PCDH15: variants seen among roughly 807,000 people sequenced by gnomAD.
PCDH15 encodes protocadherin-15.
In PCDH15, 129 loss-of-function variants were observed where a neutral mutation model predicts 178.5. The observed-to-expected ratio is 0.72, with a 90% confidence interval of 0.63 to 0.84. The LOEUF (loss-of-function observed/expected upper bound fraction) is 0.84. PCDH15 is among the 40% of genes least tolerant of loss of function. The pLI is 0.00. For synonymous variants in PCDH15, 800 were observed against 732.0 expected (o/e 1.09, Z -1.50); for missense variants, 2,230 against 2,099.9 (o/e 1.06, Z -1.21).
intron 11 of PCDH15, among the ~76,000 whole-genome samples, chr10:54,194,716 GTA>G (rs974924217): frequency 2.7e-5 from 4 of 147,404 alleles, no homozygotes; most frequent in Non-Finnish European, 5.9e-5. Context: ...GTATACCTGT[GTA>G]TATGTCTATC....
chr10:54,424,910 A>T (rs377408746), intron 3 of PCDH15, among the ~76,000 whole-genome samples: 1 of 151,064 alleles, frequency 6.6e-6, no homozygotes. Flanking sequence ...CCTAATGTAA[A>T]TGATGAGTTA....
chr10:54,298,500 C>T (rs1408560287), intron 8 of PCDH15, among the ~76,000 whole-genome samples: 1 of 152,164 alleles, frequency 6.6e-6, no homozygotes, highest in Non-Finnish European at 1.5e-5. Context: ...GGCTTGTTAC[C>T]AGTGTGGCTT....
chr10:55,574,355 C>T (rs1468401699), intron 2 of PCDH15, among the ~76,000 whole-genome samples: 1 of 151,998 alleles, frequency 6.6e-6, no homozygotes, highest in East Asian at 1.9e-4. Context: ...TGTTTCTGTA[C>T]CACAATTTCT....
chr10:54,793,233 G>A (rs1431502702), intron 1 of PCDH15, among the ~76,000 whole-genome samples: 2 of 151,874 alleles, frequency 1.3e-5, no homozygotes, highest in Non-Finnish European at 2.9e-5. Flanking sequence ...GGGATATTGA[G>A]TAGCTGAGCC....
At chr10:54,445,806 CTTTA>C (rs1411533956) in intron 3 of PCDH15, among the ~76,000 whole-genome samples, 3 of 151,576 alleles carry the variant, frequency 2.0e-5, no homozygotes, top group East Asian at 1.9e-4. Context: ...TTTTATTTGA[CTTTA>C]TTTGTGTTTT....
intron 2 of PCDH15, among the ~76,000 whole-genome samples, chr10:55,544,082 A>G (rs1206581581): frequency 6.8e-6 from 1 of 147,028 alleles, no homozygotes; most frequent in Admixed American, 6.9e-5. Context: ...ACCAGGTAAG[A>G]TGCAGATCAA....
chr10:55,311,821 T>C (rs146362101), intron 1 of PCDH15, among the ~76,000 whole-genome samples: 1 of 152,172 alleles, frequency 6.6e-6, no homozygotes, highest in Non-Finnish European at 1.5e-5. Flanking sequence ...ACAAGTAGAC[T>C]CCATGTGTGC....
intron 17 of PCDH15, among the ~76,000 whole-genome samples, chr10:54,073,628 C>T (rs1243937545): frequency 1.3e-5 from 2 of 152,112 alleles, no homozygotes; most frequent in African/African-American, 4.8e-5. Context: ...AGTGTTCAGA[C>T]TGAAAGCCAT....
Position 55,077,182 on chromosome 10 carries a change from C to A in PCDH15, c.-80+89394G>T, listed in dbSNP as rs183259919. Among the ~76,000 whole-genome samples the A allele has an allele frequency of 8.6e-5, 13 of 151,346 alleles. No individual in the cohort carries two copies. The East Asian group carries it at 2.1e-3, about 25-fold the overall frequency. On this transcript the variant is annotated intron_variant, in intron 2 of 5. Coordinates refer to the PCDH15 transcript ENST00000458638. ...GTCTATATGTATCTTTACAATTATA[C>A]TGTTTCTTGTAGGCAGCCTATAATT...
intron 1 of PCDH15, among the ~76,000 whole-genome samples, chr10:54,673,458 G>T (rs191676384): frequency 2.0e-5 from 3 of 152,152 alleles, no homozygotes; most frequent in Non-Finnish European, 4.4e-5. Flanking sequence ...TTTGTTTTGA[G>T]ATGGAGTTTT....
chr10:55,076,185 G>A (rs1841882027), intron 2 of PCDH15, among the ~76,000 whole-genome samples: 1 of 152,134 alleles, frequency 6.6e-6, no homozygotes, highest in Admixed American at 6.6e-5. Context: ...CCATGTGCTA[G>A]TAAGAAGAAT....
chr10:55,509,223 T>C (rs765777476), intron 2 of PCDH15, among the ~76,000 whole-genome samples: 2 of 151,772 alleles, frequency 1.3e-5, no homozygotes, highest in Non-Finnish European at 2.9e-5. Context: ...CCTCAGAAGA[T>C]TTTAGGATAT....
chr10:53,933,154 C>A (rs2085232390), intron 25 of PCDH15, among the ~76,000 whole-genome samples: 1 of 151,852 alleles, frequency 6.6e-6, no homozygotes, highest in African/African-American at 2.4e-5. Flanking sequence ...TACCCAGTCT[C>A]AGGTATTTCT....
intron 1 of PCDH15, among the ~76,000 whole-genome samples, chr10:54,685,928 C>A (rs768007741): frequency 1.3e-5 from 2 of 151,788 alleles, no homozygotes; most frequent in Non-Finnish European, 2.9e-5. Context: ...TGTAAGTTGG[C>A]GACTCTCTGT....
chr10:54,546,220 A>G (rs1246882987), intron 2 of PCDH15, among the ~76,000 whole-genome samples: 1 of 152,194 alleles, frequency 6.6e-6, no homozygotes, highest in Non-Finnish European at 1.5e-5. Flanking sequence ...ATTACAGATG[A>G]AAGAGGCTAC....
intron 21 of PCDH15, among the ~76,000 whole-genome samples, chr10:53,974,768 T>G (rs2090049731): frequency 6.6e-6 from 1 of 152,144 alleles, no homozygotes; most frequent in Non-Finnish European, 1.5e-5. Context: ...GCCCTTTTTC[T>G]TATTTTTTTT....
chr10:54,274,773 T>G (rs2058257964), intron 8 of PCDH15, among the ~76,000 whole-genome samples: 1 of 151,944 alleles, frequency 6.6e-6, no homozygotes, highest in Non-Finnish European at 1.5e-5. Context: ...TTCCTATACC[T>G]TTTCAATAAT....
chr10:53,945,868 T>C (rs1461020936), intron 23 of PCDH15, among the ~76,000 whole-genome samples: 2 of 134,858 alleles, frequency 1.5e-5, no homozygotes. Context: ...TATATATATA[T>C]ATATATATAT....
chr10:55,440,131 T>C (rs1254010123), intron 2 of PCDH15, among the ~76,000 whole-genome samples: 1 of 152,160 alleles, frequency 6.6e-6, no homozygotes, highest in African/African-American at 2.4e-5. Flanking sequence ...GTCAATATCA[T>C]GTAAGACAAA....
Sources: gnomAD v4.1 joint callset for allele counts (sites outside exome capture counted in the v4.1 genomes callset) on GRCh38, gnomAD v4.1.1 for gene constraint, MANE v1.5 for transcripts, NCBI Gene and HGNC (gene_info 2026-07-23, HGNC 2026-07-21) for gene names.